PIEZO1: variants seen among roughly 807,000 people sequenced by gnomAD.
PIEZO1 encodes the protein piezo-type mechanosensitive ion channel component 1.
PIEZO1 carries 296 observed loss-of-function variants against 297.2 expected under a neutral mutation model. The ratio of observed to expected loss-of-function variants is 1.00; its 90% CI spans 0.91 to 1.10. PIEZO1 has a LOEUF of 1.10. Among genes scored for constraint, PIEZO1 ranks in the 50% least tolerant of loss-of-function variants. The pLI is 0.00. For missense variants in PIEZO1, 5,018 were observed against 3,455.5 expected, an observed-to-expected ratio of 1.45 and a Z score of -11.34; for synonymous variants, 2,427 against 1,507.5, an observed-to-expected ratio of 1.61 and a Z score of -14.13.
Position 88,738,436 on chromosome 16 carries a change from G to A in PIEZO1, c.639C>T (p.Ile213=), listed in dbSNP as rs746611929. 3.6e-5 allele frequency: 56 copies of A among 1,535,444 alleles called. 1 individual carries two copies. The highest frequency in any genetic ancestry group is 8.2e-5 in the African/African-American group (6 of 73,036). Residue 213 remains isoleucine, a synonymous_variant, in exon 7 of 51, where the codon ATC becomes ATT. Coordinates refer to ENST00000301015, the MANE Select transcript of PIEZO1 (RefSeq NM_001142864.4). ...CACTGGAGAGGGCCGAGGGGTGGGC[G>A]ATGCCTGCGGGGCAGGGGCACACAG... The part of the protein sequence containing the change: ...LAVTLLALAG[I]AHPSALSSVY...
chr16:88,762,428 G>A (rs890936176), intron 1 of PIEZO1, among the ~76,000 whole-genome samples: 1 of 152,192 alleles, frequency 6.6e-6, no homozygotes, highest in African/African-American at 2.4e-5. Context: ...CTGAGCTGCA[G>A]GCACTGCCCT....
chr16:88,722,789 G>T (rs931716928), intron 34 of PIEZO1, 48 bp downstream of exon 34: 8 of 1,533,262 alleles, frequency 5.2e-6, no homozygotes, highest in Non-Finnish European at 7.0e-6. Flanking sequence ...GCAGGCAGGG[G>T]CGTAGTCAGG....
In PIEZO1 at chr16:88,720,723, C is replaced by T. The variant is rs201829917; in HGVS notation, c.5694G>A (p.Glu1898=). The T allele has an allele frequency of 3.9e-6, 6 of 1,523,662 alleles. No homozygotes were observed. Among genetic ancestry groups the T allele is most frequent in the East Asian group, 2.5e-5 (1 of 40,710 alleles). 94.4% of individuals were successfully genotyped at this position (1,523,662 alleles called of 1,614,324 possible). A position where few individuals can be genotyped will look rare whatever the true frequency, so the allele number is the denominator to read the frequency against. Reference sequence around the variant, plus strand: ...TGGGGGCCTCTTTCTCTTCCTCCCCCTCTTCTTCCTCCCTGTCCTCAGCTT... The same window carrying T: ...TGGGGGCCTCTTTCTCTTCCTCCCCTTCTTCTTCCTCCCTGTCCTCAGCTT... ...AIEAEDREEE[E]GEEEKEAPTG... Residue 1898 remains glutamate (E), a synonymous_variant, in exon 40 of 51, where the codon GAG becomes GAA. Transcript: ENST00000301015.
intron 1 of PIEZO1, among the ~76,000 whole-genome samples, chr16:88,760,606 G>C (rs769589582): frequency 4.6e-5 from 7 of 151,938 alleles, no homozygotes; most frequent in Non-Finnish European, 8.8e-5. Flanking sequence ...AGGACCCAGG[G>C]AGCCCAGGAC....
At chr16:88,764,995 A>G (rs2142890589) in intron 1 of PIEZO1, among the ~76,000 whole-genome samples, 1 of 152,264 alleles carries the variant, frequency 6.6e-6, no homozygotes, top group South Asian at 2.1e-4. Flanking sequence ...TTCTCAACAC[A>G]GCTACCTGGC....
intron 16 of PIEZO1, 70 bp from the exon 17 acceptor site, chr16:88,734,124 G>A: frequency 6.9e-7 from 1 of 1,455,452 alleles, no homozygotes; most frequent in Admixed American, 2.6e-5. Context: ...GCTGGAAGAA[G>A]CCCTGTCGGC....
chr16:88,741,585 G>C lies in PIEZO1; in HGVS notation c.358C>G (p.Arg120Gly). The C allele has an allele frequency of 4.6e-6, 7 of 1,535,400 alleles. No individual in the cohort carries two copies. The highest frequency in any genetic ancestry group is 6.1e-6 in the Non-Finnish European group (7 of 1,146,674). Reference sequence around the variant, plus strand: ...ATGCCCAGGTCAGGGGCCACCAGCCGGATGGCGTTGGGGATGTCCTTCAGG... The same window carrying C: ...ATGCCCAGGTCAGGGGCCACCAGCCCGATGGCGTTGGGGATGTCCTTCAGG... Reference protein sequence around the residue: ...LDLKDIPNAIRLVAPDLGILV... With the variant: ...LDLKDIPNAIGLVAPDLGILV... Residue 120 changes from arginine (R) to glycine (G), a missense_variant, in exon 5 of 51, where the codon CGG (arginine) becomes GGG (glycine). Physicochemically the swap from Arg to Gly is moderately radical, Grantham distance 125 (BLOSUM62 -2). Transcript: ENST00000301015.
At chr16:88,762,163 G>C (rs556259921) in intron 1 of PIEZO1, among the ~76,000 whole-genome samples, 3 of 152,312 alleles carry the variant, frequency 2.0e-5, no homozygotes, top group South Asian at 4.1e-4. Flanking sequence ...AAGGGAGCTG[G>C]GTCAGGCAGA....
At chr16:88,765,481 G>C (rs1042997616) in intron 1 of PIEZO1, among the ~76,000 whole-genome samples, 3 of 152,160 alleles carry the variant, frequency 2.0e-5, no homozygotes, top group African/African-American at 7.2e-5. Context: ...TGAGTTCCCA[G>C]TAAGTGAAAT....
intron 21 of PIEZO1, among the ~76,000 whole-genome samples, chr16:88,732,131 C>G (rs1475543994): frequency 2.0e-5 from 3 of 151,924 alleles, no homozygotes; most frequent in Non-Finnish European, 4.4e-5. Flanking sequence ...TACAGTAGAG[C>G]AGATCTAACT....
In PIEZO1 at chr16:88,727,299, G is replaced by T. The variant is rs1904518863; in HGVS notation, c.3302-107C>A. The T allele has an allele frequency of 1.3e-5, 17 of 1,282,920 alleles. No homozygotes were observed. The East Asian group carries it at 3.1e-4, about 23-fold the overall frequency. The allele number at this position is 1,282,920 out of a possible 1,614,324, so 79.5% of individuals were successfully genotyped here. Reference sequence around the variant, plus strand: ...CAGGCCTGTCGGCGTGCAGCCGCTGGGAGCGGACACACGTCTGCCTGGGTG... The same window carrying T: ...CAGGCCTGTCGGCGTGCAGCCGCTGTGAGCGGACACACGTCTGCCTGGGTG... On this transcript the variant is annotated intron_variant, in intron 23 of 50. Transcript: ENST00000301015.
chr16:88,752,786 G>A (rs1017363006), intron 1 of PIEZO1, among the ~76,000 whole-genome samples: 1 of 147,740 alleles, frequency 6.8e-6, no homozygotes, highest in African/African-American at 2.7e-5. Flanking sequence ...CACCCGGCAG[G>A]GCAAGTCCCC....
At chr16:88,778,595 G>A (rs376811216) in intron 1 of PIEZO1, among the ~76,000 whole-genome samples, 3 of 152,232 alleles carry the variant, frequency 2.0e-5, no homozygotes, top group African/African-American at 7.2e-5. Flanking sequence ...CGCCCGGCAG[G>A]ACAGCCGTCC....
intron 1 of PIEZO1, among the ~76,000 whole-genome samples, chr16:88,753,103 C>T (rs1391698160): frequency 1.9e-5 from 2 of 106,824 alleles, no homozygotes; most frequent in African/African-American, 3.5e-5. Context: ...GCACACCCAC[C>T]GCCCCCCAGA....
Position 88,715,423 on chromosome 16 carries a change from G to T in PIEZO1, c.*182C>A. 1.1e-6 allele frequency: 1 copy of T among 927,074 alleles called. No individual in the cohort carries two copies. 57.4% of individuals were successfully genotyped at this position (927,074 alleles called of 1,614,324 possible). On this transcript the variant is annotated 3_prime_UTR_variant, in exon 51 of 51. Transcript: ENST00000301015. ...ACGTGGGGGACGGCAGCGCCACGCA[G>T]GCCGTGGGGACGCAGTGTCCTTCTC...
At position 88,716,603 on chromosome 16, in the gene PIEZO1, G is replaced by A. The variant is rs760744612; in HGVS notation, c.6882C>T (p.Asn2294=). 118 of 1,549,578 alleles carry A rather than the reference G, an allele frequency of 7.6e-5. No individual in the cohort carries two copies. The highest frequency in any genetic ancestry group is 2.0e-4 in the Admixed American group (10 of 50,946). The part of the protein sequence containing the change: ...SRAQMKRELY[N]GTADITLRFT... ...AGCGCAGGGTGATGTCGGCCGTGCC[G>A]TTGTAGAGCTCCCGCTTCATCTGGG... Residue 2294 remains asparagine (N), a synonymous_variant, in exon 47 of 51, where the codon AAC becomes AAT. Transcript: ENST00000301015.
At chr16:88,781,798 A>G (rs1374782775) in intron 1 of PIEZO1, among the ~76,000 whole-genome samples, 2 of 152,228 alleles carry the variant, frequency 1.3e-5, no homozygotes, top group Non-Finnish European at 2.9e-5. Flanking sequence ...GCCTCCCAGG[A>G]GTGGTGAGAC....
In PIEZO1 at chr16:88,727,018, G is replaced by C. The variant is rs376556661; in HGVS notation, c.3455+21C>G. 67 of 1,548,346 alleles carry C rather than the reference G, an allele frequency of 4.3e-5. No homozygotes were observed. In the East Asian group the frequency reaches 1.6e-3, roughly 36 times the overall value. On this transcript the variant is annotated intron_variant, in intron 24 of 50. Coordinates refer to ENST00000301015, the MANE Select transcript of PIEZO1 (RefSeq NM_001142864.4). The stretch of plus-strand genomic sequence containing the variant: ...CCACCCCTCCCAGAAGGTTCCCCGT[G>C]GAGGGTGACGTGGAACCCACCTGCA...
intron 7 of PIEZO1, 28 bp downstream of exon 7, chr16:88,738,199 A>G: frequency 6.5e-7 from 1 of 1,534,468 alleles, no homozygotes; most frequent in Non-Finnish European, 8.7e-7. Context: ...GGGTGGCAGG[A>G]AAAAGGGGCT....
Sources: gnomAD v4.1 joint callset for allele counts (sites outside exome capture counted in the v4.1 genomes callset) on GRCh38, gnomAD v4.1.1 for gene constraint, MANE v1.5 for transcripts, NCBI Gene and HGNC (gene_info 2026-07-23, HGNC 2026-07-21) for gene names.